Variants in CAMK1D observed in about 807,000 individuals in gnomAD.
CAMK1D encodes the protein calcium/calmodulin dependent protein kinase ID.
CAMK1D carries 9 observed loss-of-function variants against 47.7 expected under a neutral mutation model. The ratio of observed to expected loss-of-function variants is 0.19; its 90% CI spans 0.11 to 0.33. The LOEUF (loss-of-function observed/expected upper bound fraction) is 0.33. CAMK1D is among the 10% of genes least tolerant of loss of function. The probability of loss-of-function intolerance (pLI) is 1.00; values close to 1 mark genes in which losing one functional copy is unlikely to be tolerated. For missense variants in CAMK1D, 291 were observed against 488.7 expected (o/e 0.60, Z 3.81); for synonymous variants, 184 against 184.9 (o/e 0.99, Z 0.04).
intron 6 of CAMK1D, among the ~76,000 whole-genome samples, chr10:12,800,593 T>A (rs534236028): frequency 1.3e-5 from 2 of 152,360 alleles, no homozygotes; most frequent in South Asian, 4.1e-4. Flanking sequence ...GGGCCTGGGT[T>A]GGCCTTGAAG....
At chr10:12,743,264 T>C (rs1185221539) in intron 3 of CAMK1D, among the ~76,000 whole-genome samples, 1 of 151,180 alleles carries the variant, frequency 6.6e-6, no homozygotes, top group African/African-American at 2.4e-5. Context: ...GGAGAATCAC[T>C]TGAACCCAGG....
rs758251293 is a variant in CAMK1D, at chr10:12,349,805, C to G, written c.-14C>G. The G allele has an allele frequency of 3.6e-6, 5 of 1,400,060 alleles. No homozygotes were observed. Among genetic ancestry groups the G allele is most frequent in the Admixed American group, 4.4e-5 (2 of 45,144 alleles). 86.7% of individuals were successfully genotyped at this position (1,400,060 alleles called of 1,614,324 possible). A position where few individuals can be genotyped will look rare whatever the true frequency, so the allele number is the denominator to read the frequency against. ...CGCGCCCCCGGCCGCTCCTCCGCGC[C>G]GCGCTCGTCGGCCATGGCCCGGGAG... On this transcript the variant is annotated 5_prime_UTR_variant, in exon 1 of 11. Coordinates refer to ENST00000619168, the MANE Select transcript of CAMK1D (RefSeq NM_153498.4).
chr10:12,497,475 C>CAAAA (rs56786154), intron 1 of CAMK1D, among the ~76,000 whole-genome samples: 4 of 88,860 alleles, frequency 4.5e-5, no homozygotes, highest in Non-Finnish European at 6.9e-5. Context: ...GACTCCATCT[C>CAAAA]AAAAAAAAAA....
intron 1 of CAMK1D, among the ~76,000 whole-genome samples, chr10:12,460,424 CTTATT>C (rs1833389811): frequency 6.6e-6 from 1 of 151,918 alleles, no homozygotes; most frequent in African/African-American, 2.4e-5. Flanking sequence ...CCATGCCCAG[CTTATT>C]TTATTTTATT....
At chr10:12,533,022 C>T (rs185062229) in intron 1 of CAMK1D, among the ~76,000 whole-genome samples, 170 of 152,150 alleles carry the variant, frequency 1.1e-3, no homozygotes, top group Admixed American at 8.3e-3. Context: ...TGTTTGATAG[C>T]ACCACAGGGT....
chr10:12,817,803 G>A (rs1832857075), intron 8 of CAMK1D, among the ~76,000 whole-genome samples: 2 of 152,240 alleles, frequency 1.3e-5, no homozygotes, highest in Non-Finnish European at 2.9e-5. Flanking sequence ...GGATTCTCCT[G>A]CCTCAGCCCC....
At chr10:12,585,681 C>T (rs548500870) in intron 2 of CAMK1D, among the ~76,000 whole-genome samples, 6 of 152,252 alleles carry the variant, frequency 3.9e-5, no homozygotes, top group South Asian at 2.1e-4. Flanking sequence ...TTCACTACCA[C>T]GAGAACAGTA....
intron 3 of CAMK1D, among the ~76,000 whole-genome samples, chr10:12,716,635 T>TC (rs1564513980): frequency 6.6e-6 from 1 of 151,526 alleles, no homozygotes; most frequent in African/African-American, 2.4e-5. Context: ...CCCATTTCCA[T>TC]CCCCCGAGAT....
intron 3 of CAMK1D, among the ~76,000 whole-genome samples, chr10:12,733,842 C>T (rs1217348676): frequency 7.2e-5 from 11 of 152,068 alleles, no homozygotes; most frequent in Admixed American, 6.6e-4. Context: ...ATTTCAAAAC[C>T]GTACATATCT....
chr10:12,771,271 C>G (rs1837027755), intron 5 of CAMK1D, among the ~76,000 whole-genome samples: 2 of 152,208 alleles, frequency 1.3e-5, no homozygotes, highest in African/African-American at 4.8e-5. Context: ...GACCTTTCTT[C>G]ATGAGAATAG....
At position 12,834,688 on chromosome 10, in the gene CAMK1D, T is replaced by C. The variant is rs1833477291; in HGVS notation, c.*5801T>C. On this transcript the variant is annotated 3_prime_UTR_variant, in exon 11 of 11. Coordinates refer to ENST00000619168, the MANE Select transcript of CAMK1D (RefSeq NM_153498.4). ...TTTTAAAGGTGATTTTATTTTCTTA[T>C]GGACAGGAAAAAAGAAAATGAGGAG... 1.3e-5 allele frequency: 2 copies of C among 152,160 alleles called. No individual in the cohort carries two copies. Among genetic ancestry groups the C allele is most frequent in the Admixed American group, 1.3e-4 (2 of 15,272 alleles). 9.4% of individuals were successfully genotyped at this position (152,160 alleles called of 1,614,324 possible).
chr10:12,461,295 A>C (rs1833414657), intron 1 of CAMK1D, among the ~76,000 whole-genome samples: 1 of 152,188 alleles, frequency 6.6e-6, no homozygotes, highest in African/African-American at 2.4e-5. Context: ...CTAGGCAGGA[A>C]ATAAGAATAG....
At chr10:12,477,332 T>C (rs1296013380) in intron 1 of CAMK1D, among the ~76,000 whole-genome samples, 2 of 152,260 alleles carry the variant, frequency 1.3e-5, no homozygotes, top group East Asian at 1.9e-4. Context: ...AGGAGAATGC[T>C]TGAACCTGGG....
At chr10:12,490,950 A>G (rs1233037133) in intron 1 of CAMK1D, among the ~76,000 whole-genome samples, 4 of 152,248 alleles carry the variant, frequency 2.6e-5, no homozygotes, top group Admixed American at 1.3e-4. Context: ...ATAAAAAGTT[A>G]TTCTTAAAAT....
chr10:12,463,326 C>T (rs978865903), intron 1 of CAMK1D, among the ~76,000 whole-genome samples: 9 of 151,950 alleles, frequency 5.9e-5, no homozygotes, highest in African/African-American at 9.7e-5. Context: ...TTAGTAGAGA[C>T]GGGGTTTCAC....
At chr10:12,689,860 G>C (rs1181829293) in intron 3 of CAMK1D, among the ~76,000 whole-genome samples, 3 of 152,054 alleles carry the variant, frequency 2.0e-5, no homozygotes, top group Admixed American at 1.3e-4. Flanking sequence ...TTAAGTGGGG[G>C]GAAAATGAGG....
At chr10:12,535,149 C>T (rs1835929443) in intron 1 of CAMK1D, among the ~76,000 whole-genome samples, 1 of 152,130 alleles carries the variant, frequency 6.6e-6, no homozygotes, top group Admixed American at 6.6e-5. Context: ...TATGCGCCTG[C>T]TTGCTTTTCC....
intron 3 of CAMK1D, among the ~76,000 whole-genome samples, chr10:12,695,761 T>A (rs946222387): frequency 6.6e-6 from 1 of 152,040 alleles, no homozygotes; most frequent in African/African-American, 2.4e-5. Context: ...ATACAATCCA[T>A]GCGGAATGTA....
At chr10:12,400,885 G>A (rs906283026) in intron 1 of CAMK1D, among the ~76,000 whole-genome samples, 1 of 150,178 alleles carries the variant, frequency 6.7e-6, no homozygotes, top group African/African-American at 2.5e-5. Flanking sequence ...GGGAGGCCGA[G>A]GTGGGCAGAT....
Sources: allele counts gnomAD v4.1 joint callset (sites outside exome capture counted in the v4.1 genomes callset), GRCh38; gene constraint gnomAD v4.1.1; transcripts MANE v1.5; gene names NCBI Gene and HGNC (gene_info 2026-07-23, HGNC 2026-07-21).